TPP2: variants seen among roughly 807,000 people sequenced by gnomAD.
The protein encoded by TPP2 is tripeptidyl peptidase 2, also known as tripeptidyl-peptidase 2.
A neutral mutation model predicts 155.9 loss-of-function variants in TPP2; 34 were observed. The ratio of observed to expected loss-of-function variants is 0.22; its 90% confidence interval spans 0.17 to 0.29. The LOEUF is 0.29. Ranked by LOEUF, TPP2 falls within the 10% of genes least tolerant of loss-of-function variation. TPP2 has a pLI of 1.00. For missense variants in TPP2, 1,028 were observed against 1,522.3 expected (o/e 0.68, Z 5.40); for synonymous variants, 510 against 529.4 (o/e 0.96, Z 0.50).
At chr13:102,671,550 C>T (rs1019427329) in intron 27 of TPP2, among the ~76,000 whole-genome samples, 1 of 152,212 alleles carries the variant, frequency 6.6e-6, no homozygotes, top group Non-Finnish European at 1.5e-5. Flanking sequence ...GGGCTAGCGG[C>T]TCCGTTTTCT....
chr13:102,601,926 A>C (rs1879460247), intron 1 of TPP2, among the ~76,000 whole-genome samples: 1 of 152,252 alleles, frequency 6.6e-6, no homozygotes, highest in Non-Finnish European at 1.5e-5. Context: ...GATCCTTGTA[A>C]GTAAAGCATG....
intron 25 of TPP2, among the ~76,000 whole-genome samples, chr13:102,661,296 G>A (rs1339615276): frequency 2.8e-5 from 4 of 144,196 alleles, no homozygotes; most frequent in Non-Finnish European, 6.0e-5. Context: ...TGTCACCCAG[G>A]CTGGACTGCA....
intron 27 of TPP2, among the ~76,000 whole-genome samples, chr13:102,669,116 G>A (rs932340739): frequency 6.6e-6 from 1 of 152,184 alleles, no homozygotes; most frequent in Admixed American, 6.5e-5. Context: ...CCATAAAACT[G>A]CAGGTTTATG....
chr13:102,648,310 C>T (rs1883258968), intron 21 of TPP2, among the ~76,000 whole-genome samples: 1 of 152,104 alleles, frequency 6.6e-6, no homozygotes, highest in Non-Finnish European at 1.5e-5. Context: ...AGCCCTGGAG[C>T]TCTAGGCTAT....
At chr13:102,602,784 G>C (rs1879525237) in intron 1 of TPP2, among the ~76,000 whole-genome samples, 1 of 152,216 alleles carries the variant, frequency 6.6e-6, no homozygotes, top group Non-Finnish European at 1.5e-5. Flanking sequence ...AAGCTTTGTC[G>C]TAAAGAGTGT....
At chr13:102,609,270 A>G (rs1239381490) in intron 2 of TPP2, among the ~76,000 whole-genome samples, 4 of 148,354 alleles carry the variant, frequency 2.7e-5, no homozygotes, top group Non-Finnish European at 5.9e-5. Context: ...CAGGCTTAAC[A>G]GGAAGCATGA....
chr13:102,626,987 C>T, intron 6 of TPP2, 25 bp from the exon 7 acceptor site: 1 of 1,498,836 alleles, frequency 6.7e-7, no homozygotes, highest in Non-Finnish European at 8.9e-7. Flanking sequence ...AATGTTTTGT[C>T]ATTTCCCCAC....
At chr13:102,599,816 G>A (rs1225351448) in intron 1 of TPP2, among the ~76,000 whole-genome samples, 1 of 152,100 alleles carries the variant, frequency 6.6e-6, no homozygotes, top group Non-Finnish European at 1.5e-5. Flanking sequence ...GGGGGGATGG[G>A]GCAGGGATTG....
intron 21 of TPP2, 92 bp from the exon 22 acceptor site, chr13:102,648,815 T>C: frequency 6.8e-7 from 1 of 1,464,878 alleles, no homozygotes; most frequent in South Asian, 1.4e-5. Context: ...TGAACAAGTC[T>C]GTGAATGGTA....
chr13:102,637,670 C>A (rs1335796611), intron 14 of TPP2, among the ~76,000 whole-genome samples: 1 of 152,120 alleles, frequency 6.6e-6, no homozygotes, highest in Non-Finnish European at 1.5e-5. Flanking sequence ...CACACCTTAG[C>A]CTCCTGAGTA....
chr13:102,608,588 T>C (rs1221377983), intron 2 of TPP2, among the ~76,000 whole-genome samples: 1 of 152,180 alleles, frequency 6.6e-6, no homozygotes, highest in Non-Finnish European at 1.5e-5. Context: ...TTTTTTAAAA[T>C]TTTGCCTATT....
rs1595227440 is a variant in TPP2, at chr13:102,674,002, A to T, written c.3372-281A>T. Among the ~76,000 whole-genome samples, 3 of 152,288 alleles carry T rather than the reference A, an allele frequency of 2.0e-5. No individual in the cohort carries two copies. In the East Asian group the frequency reaches 5.8e-4, roughly 29 times the overall value. ...GAGTTATATAGCTAAAAAAATTTAG[A>T]ATAGTGATTAACCTTTCAACTCTGT... On this transcript the variant is annotated intron_variant, in intron 27 of 29. Coordinates refer to ENST00000376052, the MANE Select transcript of TPP2 (RefSeq NM_001330588.2).
At chr13:102,605,203 G>C (rs976578635) in intron 2 of TPP2, among the ~76,000 whole-genome samples, 1 of 152,190 alleles carries the variant, frequency 6.6e-6, no homozygotes, top group African/African-American at 2.4e-5. Context: ...AGAAGAAGGG[G>C]AAGTTTGTTT....
chr13:102,657,828 CTGAGA>C (rs1216784070), intron 25 of TPP2, among the ~76,000 whole-genome samples: 3 of 152,096 alleles, frequency 2.0e-5, no homozygotes, highest in East Asian at 1.9e-4. Flanking sequence ...AAATTGCTTT[CTGAGA>C]TGAGTATAAT....
chr13:102,655,233 G>T (rs544963942), intron 24 of TPP2, among the ~76,000 whole-genome samples: 3 of 152,140 alleles, frequency 2.0e-5, no homozygotes, highest in East Asian at 3.9e-4. Context: ...AAATTGTGTT[G>T]GTGAAAATAT....
intron 29 of TPP2, among the ~76,000 whole-genome samples, chr13:102,677,129 A>G (rs2139628117): frequency 6.6e-6 from 1 of 152,302 alleles, no homozygotes; most frequent in East Asian, 1.9e-4. Flanking sequence ...CTATATTCAT[A>G]TTTACTCTTA....
At position 102,663,774 on chromosome 13, in the gene TPP2, T is replaced by C. The variant is rs762489312; in HGVS notation, c.3240+30T>C. 8 of 1,506,440 alleles carry C rather than the reference T, an allele frequency of 5.3e-6. No homozygotes were observed. The Admixed American group carries it at 1.5e-4, about 28-fold the overall frequency. 93.3% of individuals were successfully genotyped at this position (1,506,440 alleles called of 1,614,324 possible). A position where few individuals can be genotyped will look rare whatever the true frequency, so the allele number is the denominator to read the frequency against. On this transcript the variant is annotated intron_variant, in intron 26 of 29. Coordinates refer to ENST00000376052, the MANE Select transcript of TPP2 (RefSeq NM_001330588.2). ...GACATGTTCATTCTGATATATCTTATTTTGTTTGTAATTATATAAGTTTGT... is the reference window on the plus strand; with the variant it reads ...GACATGTTCATTCTGATATATCTTACTTTGTTTGTAATTATATAAGTTTGT...
intron 1 of TPP2, among the ~76,000 whole-genome samples, chr13:102,604,500 C>G (rs576294071): frequency 6.6e-6 from 1 of 152,236 alleles, no homozygotes; most frequent in African/African-American, 2.4e-5. Context: ...GGGATTTTTG[C>G]GTATGGATCA....
At chr13:102,638,734 A>C (rs1227179184) in intron 15 of TPP2, among the ~76,000 whole-genome samples, 1 of 152,030 alleles carries the variant, frequency 6.6e-6, no homozygotes, top group Non-Finnish European at 1.5e-5. Context: ...CTAGTTATCT[A>C]CTGTAGAAGC....
Sources: gnomAD v4.1 joint callset for allele counts (sites outside exome capture counted in the v4.1 genomes callset) on GRCh38, gnomAD v4.1.1 for gene constraint, MANE v1.5 for transcripts, NCBI Gene and HGNC (gene_info 2026-07-23, HGNC 2026-07-21) for gene names.